The following MEMO1 variants were observed in gnomAD, a reference collection of about 807,000 sequenced individuals.
MEMO1 encodes the protein mediator of cell motility 1, also known as protein MEMO1.
Under a neutral mutation model 45.2 loss-of-function variants are expected in MEMO1, and 6 were observed. The observed-to-expected ratio is 0.13, with a 90% CI of 0.07 to 0.26. The LOEUF (loss-of-function observed/expected upper bound fraction) is 0.26, where lower values mean the gene tolerates loss of function less well. MEMO1 is among the 10% of genes least tolerant of loss of function. The pLI, the probability that MEMO1 is intolerant of heterozygous loss-of-function variation, is 1.00. For missense variants in MEMO1, 184 were observed against 370.5 expected, an observed-to-expected ratio of 0.50 and a Z score of 4.13; for synonymous variants, 78 against 124.3, an observed-to-expected ratio of 0.63 and a Z score of 2.48.
intron 3 of MEMO1, among the ~76,000 whole-genome samples, chr2:31,936,613 C>G (rs776580423): frequency 6.6e-6 from 1 of 152,134 alleles, no homozygotes; most frequent in Non-Finnish European, 1.5e-5. Context: ...GTGACAGTTT[C>G]CCACACAGCA....
intron 6 of MEMO1, among the ~76,000 whole-genome samples, chr2:31,899,698 C>T (rs1183834385): frequency 6.6e-6 from 1 of 152,172 alleles, no homozygotes; most frequent in African/African-American, 2.4e-5. Context: ...TCTAATTAAA[C>T]TAAAGAGCTT....
chr2:31,919,266 G>A (rs1277514698), intron 5 of MEMO1, among the ~76,000 whole-genome samples: 2 of 151,596 alleles, frequency 1.3e-5, no homozygotes, highest in Admixed American at 6.6e-5. Flanking sequence ...CTCCTACCTC[G>A]CTGCCCCATG....
intron 2 of MEMO1, among the ~76,000 whole-genome samples, chr2:32,006,390 T>C (rs981901974): frequency 1.3e-5 from 2 of 152,184 alleles, no homozygotes; most frequent in African/African-American, 4.8e-5. Flanking sequence ...ATTTAGATTA[T>C]GTTGCTGGTC....
intron 3 of MEMO1, among the ~76,000 whole-genome samples, chr2:31,933,348 A>ATTATATATATATAT (rs869203385): frequency 6.2e-5 from 1 of 16,186 alleles, no homozygotes; most frequent in African/African-American, 2.4e-4. Flanking sequence ...AAAAAAAAAA[A>ATTATATATATATAT]ATTTATATAT....
At chr2:31,870,719 G>C (rs1223052722) in intron 8 of MEMO1, among the ~76,000 whole-genome samples, 1 of 152,036 alleles carries the variant, frequency 6.6e-6, no homozygotes, top group Non-Finnish European at 1.5e-5. Flanking sequence ...TGGGATTACA[G>C]ACAACACACC....
rs1481530302 is a variant in MEMO1, at chr2:31,922,929, G to A, written c.213-2019C>T. On this transcript the variant is annotated intron_variant, in intron 4 of 9. Coordinates refer to ENST00000404530, the MANE Select transcript of MEMO1 (RefSeq NM_001301833.4). ...TTACTATTGTGAACAGTGCTGCAGT[G>A]AACACATGTGTACATATGTCTTTAT... Among the ~76,000 whole-genome samples, 7 of 151,934 alleles carry A rather than the reference G, an allele frequency of 4.6e-5. No individual in the cohort carries two copies. In the East Asian group the frequency reaches 1.3e-3, roughly 29 times the overall value.
chr2:31,898,298 T>C (rs1306981737), intron 6 of MEMO1, among the ~76,000 whole-genome samples: 1 of 152,180 alleles, frequency 6.6e-6, no homozygotes, highest in Non-Finnish European at 1.5e-5. Flanking sequence ...GTTCTTTTAA[T>C]TGTGAGGTTA....
intron 2 of MEMO1, among the ~76,000 whole-genome samples, chr2:31,944,588 T>C (rs536261914): frequency 6.6e-6 from 1 of 152,334 alleles, no homozygotes; most frequent in Non-Finnish European, 1.5e-5. Context: ...AGCCAAACGG[T>C]ATTTCTGTAC....
In MEMO1 at chr2:31,932,064, T is replaced by C. The variant is rs1466318821; in HGVS notation, c.212+3A>G. On this transcript the variant is annotated splice_donor_region_variant and intron_variant, in intron 4 of 9. Coordinates refer to ENST00000404530, the MANE Select transcript of MEMO1 (RefSeq NM_001301833.4). ...CGACTTAAAACAAAACTACATTACTTACGTAATAGACGGATCCACTTGTTT... is the reference window on the plus strand; with the variant it reads ...CGACTTAAAACAAAACTACATTACTCACGTAATAGACGGATCCACTTGTTT... 1.2e-6 allele frequency: 2 copies of C among 1,611,822 alleles called. No homozygotes were observed. Among genetic ancestry groups the C allele is most frequent in the Admixed American group, 3.3e-5 (2 of 59,938 alleles).
intron 4 of MEMO1, among the ~76,000 whole-genome samples, chr2:31,928,504 G>A (rs1311375554): frequency 2.7e-5 from 4 of 146,570 alleles, no homozygotes; most frequent in East Asian, 2.0e-4. Flanking sequence ...CCAAGATTGC[G>A]CCACTACACT....
intron 2 of MEMO1, among the ~76,000 whole-genome samples, chr2:31,962,952 G>A (rs1668195605): frequency 6.6e-6 from 1 of 152,172 alleles, no homozygotes. Flanking sequence ...TCAGTTGAAG[G>A]CCTGCCTAAA....
intron 6 of MEMO1, among the ~76,000 whole-genome samples, chr2:31,896,708 A>G (rs1677870739): frequency 6.6e-6 from 1 of 152,230 alleles, no homozygotes; most frequent in Admixed American, 6.5e-5. Context: ...GCTCTTCATT[A>G]AGAAAATGAA....
At chr2:31,891,944 C>A (rs144856186) in intron 7 of MEMO1, 48 bp downstream of exon 7, 7 of 1,531,440 alleles carry the variant, frequency 4.6e-6, no homozygotes, top group Non-Finnish European at 4.4e-6. Flanking sequence ...ATACCTTTAA[C>A]CAGAAGTATA....
chr2:31,887,445 C>T (rs927251901), intron 7 of MEMO1, among the ~76,000 whole-genome samples: 4 of 152,152 alleles, frequency 2.6e-5, no homozygotes, highest in Non-Finnish European at 4.4e-5. Flanking sequence ...TACTTAATCA[C>T]ATCGTTTATA....
chr2:32,010,528 G>A (rs1429446060), intron 1 of MEMO1: 1 of 292,936 alleles, frequency 3.4e-6, no homozygotes, highest in Non-Finnish European at 6.6e-6. Context: ...CCGAAGCCCG[G>A]AAAGCCCTGG....
intron 2 of MEMO1, among the ~76,000 whole-genome samples, chr2:31,991,530 C>T (rs1671945983): frequency 6.7e-6 from 1 of 148,296 alleles, no homozygotes; most frequent in Non-Finnish European, 1.5e-5. Context: ...AAGATCGCCC[C>T]ATTGTACCCC....
At chr2:31,892,219 T>C in intron 6 of MEMO1, 85 bp from the exon 7 acceptor site, 2 of 1,161,208 alleles carry the variant, frequency 1.7e-6, no homozygotes, top group Non-Finnish European at 2.5e-6. Flanking sequence ...GAAAGTGGAA[T>C]ATGTATTAAT....
intron 2 of MEMO1, among the ~76,000 whole-genome samples, chr2:31,986,776 T>A (rs1481273575): frequency 6.6e-6 from 1 of 152,008 alleles, no homozygotes; most frequent in Non-Finnish European, 1.5e-5. Flanking sequence ...CAAACAGAAA[T>A]ATTTACTTCA....
chr2:31,898,534 G>C (rs375227929), intron 6 of MEMO1, among the ~76,000 whole-genome samples: 1 of 152,156 alleles, frequency 6.6e-6, no homozygotes, highest in African/African-American at 2.4e-5. Flanking sequence ...TTTTGAGTGA[G>C]TTTCTTAATC....
Sources: gnomAD v4.1 joint callset for allele counts (sites outside exome capture counted in the v4.1 genomes callset) on GRCh38, gnomAD v4.1.1 for gene constraint, MANE v1.5 for transcripts, NCBI Gene and HGNC (gene_info 2026-07-23, HGNC 2026-07-21) for gene names.